Variants in CACNB4 observed in about 807,000 individuals in gnomAD.
The protein encoded by CACNB4 is voltage-dependent L-type calcium channel subunit beta-4.
Under a neutral mutation model 71.2 loss-of-function variants are expected in CACNB4, and 32 were observed. That is an observed-to-expected ratio of 0.45 (90% CI 0.34 to 0.60). The LOEUF (loss-of-function observed/expected upper bound fraction) is 0.60. Ranked by LOEUF, CACNB4 falls within the 20% of genes least tolerant of loss-of-function variation. The pLI, the probability that CACNB4 is intolerant of heterozygous loss-of-function variation, is 0.01. For missense variants in CACNB4, 464 were observed against 647.9 expected (o/e 0.72, Z 3.08); for synonymous variants, 231 against 236.9 (o/e 0.97, Z 0.23).
chr2:152,005,446 C>T (rs1682667405), intron 2 of CACNB4, among the ~76,000 whole-genome samples: 1 of 152,148 alleles, frequency 6.6e-6, no homozygotes, highest in South Asian at 2.1e-4. Flanking sequence ...TGAATGTTCT[C>T]ACTTATAAGT....
At chr2:151,982,658 T>C (rs1293986553) in intron 2 of CACNB4, among the ~76,000 whole-genome samples, 2 of 149,790 alleles carry the variant, frequency 1.3e-5, no homozygotes, top group African/African-American at 4.9e-5. Context: ...AAAAAGATAC[T>C]GACTGCCTTC....
chr2:151,907,160 A>G (rs1352401797), intron 2 of CACNB4, among the ~76,000 whole-genome samples: 1 of 152,150 alleles, frequency 6.6e-6, no homozygotes, highest in East Asian at 1.9e-4. Flanking sequence ...GTAATCAGAG[A>G]ACAGAGGTAG....
intron 2 of CACNB4, among the ~76,000 whole-genome samples, chr2:152,048,287 C>T (rs1043988888): frequency 6.6e-6 from 1 of 152,126 alleles, no homozygotes; most frequent in Non-Finnish European, 1.5e-5. Context: ...GCTGAGAACC[C>T]GTGGGTTAAA....
At chr2:151,991,983 A>T (rs965246430) in intron 2 of CACNB4, among the ~76,000 whole-genome samples, 1 of 152,236 alleles carries the variant, frequency 6.6e-6, no homozygotes, top group Non-Finnish European at 1.5e-5. Flanking sequence ...ACTGGGACTC[A>T]GTCCCACTGA....
chr2:151,875,663 G>C, intron 5 of CACNB4, among the ~76,000 whole-genome samples: 1 of 116,710 alleles, frequency 8.6e-6, no homozygotes, highest in African/African-American at 3.8e-5. Flanking sequence ...CGGCTGGCCG[G>C]GTGGGGGGCT....
chr2:151,971,245 T>C (rs972200214), intron 2 of CACNB4: 2 of 522,402 alleles, frequency 3.8e-6, no homozygotes, highest in East Asian at 6.5e-5. Flanking sequence ...TTATTCGGAA[T>C]AAAATTGTCC....
chr2:151,905,260 A>G (rs1444408107), intron 2 of CACNB4, among the ~76,000 whole-genome samples: 5 of 152,136 alleles, frequency 3.3e-5, no homozygotes, highest in Admixed American at 3.3e-4. Context: ...TCTCCAGCCC[A>G]TTGCTTGCTA....
chr2:151,916,156 G>C (rs146434806), intron 2 of CACNB4, among the ~76,000 whole-genome samples: 264 of 152,262 alleles, frequency 1.7e-3, no homozygotes, highest in African/African-American at 6.1e-3. Flanking sequence ...TTTTTTCCAT[G>C]GGAGCCTCCA....
intron 2 of CACNB4, among the ~76,000 whole-genome samples, chr2:152,088,844 C>A (rs1687817095): frequency 6.6e-6 from 1 of 152,176 alleles, no homozygotes; most frequent in Non-Finnish European, 1.5e-5. Context: ...GTTTACTCTA[C>A]TAGAAATGAG....
At chr2:152,009,320 ATGTCATGTGGTATCCTGGGTGAGAC>A (rs1682921313) in intron 2 of CACNB4, among the ~76,000 whole-genome samples, 3 of 152,356 alleles carry the variant, frequency 2.0e-5, no homozygotes, top group African/African-American at 4.8e-5. Context: ...TAATGACAAA[ATGTCATGTGGTATCCTGGGTGAGAC>A]TGTCATGTGG....
chr2:151,883,639 T>C, intron 2 of CACNB4: 1 of 449,070 alleles, frequency 2.2e-6, no homozygotes, highest in Non-Finnish European at 4.1e-6. Flanking sequence ...TCAGCACCAA[T>C]TCTTCTTGTT....
intron 2 of CACNB4, among the ~76,000 whole-genome samples, chr2:151,977,317 C>T (rs1316007456): frequency 2.0e-5 from 3 of 152,164 alleles, no homozygotes; most frequent in African/African-American, 7.2e-5. Flanking sequence ...ATAAATGCCA[C>T]GTGATTCATG....
chr2:152,063,661 T>C (rs993774468), intron 2 of CACNB4, among the ~76,000 whole-genome samples: 12 of 152,168 alleles, frequency 7.9e-5, no homozygotes, highest in African/African-American at 2.9e-4. Flanking sequence ...TTGCAAAATT[T>C]AGACCAAAGC....
chr2:151,880,528 A>T, intron 4 of CACNB4: 1 of 434,938 alleles, frequency 2.3e-6, no homozygotes, highest in Non-Finnish European at 4.1e-6. Context: ...GGGGATTTAA[A>T]GGTGCCCAGA....
intron 2 of CACNB4, among the ~76,000 whole-genome samples, chr2:151,955,777 C>A (rs1190095013): frequency 2.0e-5 from 3 of 152,016 alleles, no homozygotes; most frequent in Non-Finnish European, 4.4e-5. Flanking sequence ...TGGTACACGC[C>A]TGCAGTCTCA....
intron 2 of CACNB4, among the ~76,000 whole-genome samples, chr2:151,903,679 C>A (rs142278490): frequency 6.6e-6 from 1 of 152,316 alleles, no homozygotes; most frequent in African/African-American, 2.4e-5. Flanking sequence ...CCAAACATAT[C>A]TCATCCACAC....
rs967394951 is a variant in CACNB4 at position 151,869,115 on chromosome 2, C to A, written c.758+62G>T. On this transcript the variant is annotated intron_variant, in intron 9 of 13. Coordinates refer to ENST00000539935, the MANE Select transcript of CACNB4 (RefSeq NM_000726.5). ...TCTCTGGAAACATAGATCTACAATT[C>A]AATTTATCACACAAGTTTGGTTAAA... The A allele has an allele frequency of 9.6e-6, 9 of 937,460 alleles. No homozygotes were observed. In the African/African-American group the frequency reaches 1.1e-4, roughly 12 times the overall value. 58.1% of individuals were successfully genotyped at this position (937,460 alleles called of 1,614,324 possible). A position where few individuals can be genotyped will look rare whatever the true frequency, so the allele number is the denominator to read the frequency against.
chr2:151,895,079 C>A (rs919798798), intron 2 of CACNB4, among the ~76,000 whole-genome samples: 3 of 140,684 alleles, frequency 2.1e-5, no homozygotes, highest in African/African-American at 8.1e-5. Flanking sequence ...TCATATGGAA[C>A]CAGAACTCAA....
chr2:151,871,768 A>T (rs2099844696), intron 6 of CACNB4: 1 of 152,750 alleles, frequency 6.5e-6, no homozygotes, highest in South Asian at 2.1e-4. Context: ...GGATGCCCTA[A>T]TGCAACAGCA....
Sources: gnomAD v4.1 joint callset for allele counts (sites outside exome capture counted in the v4.1 genomes callset) on GRCh38, gnomAD v4.1.1 for gene constraint, MANE v1.5 for transcripts, NCBI Gene and HGNC (gene_info 2026-07-23, HGNC 2026-07-21) for gene names.